ACSL6: variants seen among roughly 807,000 people sequenced by gnomAD.
The protein encoded by ACSL6 is long-chain-fatty-acid--CoA ligase 6.
Under a neutral mutation model 98.2 loss-of-function variants are expected in ACSL6, and 47 were observed. That is an observed-to-expected ratio of 0.48 (90% CI 0.38 to 0.61). The LOEUF (loss-of-function observed/expected upper bound fraction) is 0.61, where lower values mean the gene tolerates loss of function less well. Among genes scored for constraint, ACSL6 ranks in the 20% least tolerant of loss-of-function variants. The probability of loss-of-function intolerance (pLI) is 0.00; values close to 1 mark genes in which losing one functional copy is unlikely to be tolerated. For synonymous variants in ACSL6, 362 were observed against 336.9 expected (o/e 1.07, Z -0.82); for missense variants, 761 against 913.4 (o/e 0.83, Z 2.15).
rs989426459 is a variant in ACSL6, at chr5:131,952,911, G to A, written c.*1323C>T. The A allele has an allele frequency of 4.7e-6, 1 of 214,534 alleles. No homozygotes were observed. Among genetic ancestry groups the A allele is most frequent in the African/African-American group, 2.3e-5 (1 of 44,306 alleles). The allele number at this position is 214,534 out of a possible 1,614,324, so 13.3% of individuals were successfully genotyped here. ...AAAAACTATTTTCCCTGGAAATAATGTCCCCTCCTTCCCACCTTCTGCCTT... is the reference window on the plus strand; with the variant it reads ...AAAAACTATTTTCCCTGGAAATAATATCCCCTCCTTCCCACCTTCTGCCTT... On this transcript the variant is annotated 3_prime_UTR_variant, in exon 21 of 21. Coordinates refer to ENST00000651883, the MANE Select transcript of ACSL6 (RefSeq NM_001009185.3).
In ACSL6 at chr5:132,011,395, CA is replaced by C; in HGVS notation, c.49+109del. The C allele has an allele frequency of 1.7e-6, 2 of 1,193,992 alleles. No homozygotes were observed. The highest frequency in any genetic ancestry group is 3.1e-5 in the African/African-American group (2 of 65,560). The allele number at this position is 1,193,992 out of a possible 1,614,324, so 74.0% of individuals were successfully genotyped here. ...GGACCTTGACGGGACAGCTCAGCAG[CA>C]GGGGATGGGGGCTCGGCGGCCGCGG... On this transcript the variant is annotated intron_variant, in intron 1 of 20. Coordinates refer to ENST00000651883, the MANE Select transcript of ACSL6 (RefSeq NM_001009185.3). This position sits in a 1 kb window ranked among gnomAD's most constrained non-coding sequence, Gnocchi z 5.4.
chr5:131,998,350 G>A (rs1327075710), intron 1 of ACSL6, among the ~76,000 whole-genome samples: 4 of 152,124 alleles, frequency 2.6e-5, no homozygotes, highest in East Asian at 1.9e-4. Context: ...TGGAATATCC[G>A]ACATCTTTTT....
At chr5:131,988,004 C>T in intron 7 of ACSL6, 44 bp downstream of exon 7, 1 of 1,600,282 alleles carries the variant, frequency 6.2e-7, no homozygotes, top group Middle Eastern at 1.7e-4. Context: ...ACTTGGTGAC[C>T]AGCCAGCAGT....
chr5:131,991,864 A>T (rs931825811), intron 2 of ACSL6, among the ~76,000 whole-genome samples: 3 of 152,252 alleles, frequency 2.0e-5, no homozygotes, highest in African/African-American at 7.2e-5. Context: ...CCGAACTCAA[A>T]ACCACAGGCA....
At chr5:131,965,948 A>C (rs1216895975) in intron 17 of ACSL6, among the ~76,000 whole-genome samples, 1 of 152,162 alleles carries the variant, frequency 6.6e-6, no homozygotes, top group Non-Finnish European at 1.5e-5. Context: ...TCAAGGTTAC[A>C]TGAGCAACTG....
chr5:131,992,030 C>G (rs1162543535), intron 2 of ACSL6, among the ~76,000 whole-genome samples: 1 of 152,172 alleles, frequency 6.6e-6, no homozygotes, highest in African/African-American at 2.4e-5. Flanking sequence ...ATGCCAGGGA[C>G]AGAAGAGGCT....
chr5:131,986,698 T>C (rs1754207257), intron 8 of ACSL6, 124 bp downstream of exon 8: 5 of 1,236,002 alleles, frequency 4.0e-6, no homozygotes, highest in African/African-American at 1.5e-5. Context: ...GGGCATTTCC[T>C]GGCTTGCACA....
At chr5:131,974,846 A>C (rs370389229) in intron 11 of ACSL6, 47 bp downstream of exon 11, 5 of 1,613,888 alleles carry the variant, frequency 3.1e-6, no homozygotes, top group Non-Finnish European at 4.2e-6. Flanking sequence ...CTGTAAGAAA[A>C]AAGAAGGAGC....
chr5:132,000,593 C>A (rs1325896066), intron 1 of ACSL6, among the ~76,000 whole-genome samples: 1 of 152,020 alleles, frequency 6.6e-6, no homozygotes, highest in Admixed American at 6.5e-5. Flanking sequence ...AGTATGATCA[C>A]TGCGTATTTT....
intron 3 of ACSL6, 97 bp from the exon 4 acceptor site, chr5:131,990,261 G>A (rs144611974): frequency 8.1e-7 from 1 of 1,239,510 alleles, no homozygotes; most frequent in East Asian, 2.4e-5. Flanking sequence ...ATCCCATACT[G>A]TAGTGTGTCC....
In ACSL6 at chr5:131,950,550, T is replaced by C. The variant is rs1752104138; in HGVS notation, c.*3684A>G. On this transcript the variant is annotated 3_prime_UTR_variant, in exon 21 of 21. Coordinates refer to ENST00000651883, the MANE Select transcript of ACSL6 (RefSeq NM_001009185.3). The stretch of plus-strand genomic sequence containing the variant: ...AAGGAAATACAGCCAATTTATAGTT[T>C]ACCAATTTTATATACGGTTATTCAT... 1 of 200,568 alleles carries C rather than the reference T, an allele frequency of 5.0e-6. No homozygotes were observed. The highest frequency in any genetic ancestry group is 1.0e-5 in the Non-Finnish European group (1 of 97,372). The allele number at this position is 200,568 out of a possible 1,614,324, so 12.4% of individuals were successfully genotyped here.
At chr5:131,970,351 A>G in intron 14 of ACSL6, 151 bp from the exon 15 acceptor site, 1 of 639,716 alleles carries the variant, frequency 1.6e-6, no homozygotes, top group Non-Finnish European at 2.8e-6. Flanking sequence ...GAGGTAGATA[A>G]CTCCAGGTGA....
chr5:132,004,218 C>CTTT (rs1561812724), intron 1 of ACSL6, among the ~76,000 whole-genome samples: 1 of 151,110 alleles, frequency 6.6e-6, no homozygotes, highest in African/African-American at 2.4e-5. Context: ...AGGCTTCTAT[C>CTTT]CTTTTTTTTT....
At chr5:131,956,695 G>GC (rs1554110518) in intron 20 of ACSL6, among the ~76,000 whole-genome samples, 1 of 151,908 alleles carries the variant, frequency 6.6e-6, no homozygotes, top group East Asian at 1.9e-4. Context: ...CAAACCTATA[G>GC]TTTTTTTTAG....
Position 131,992,774 on chromosome 5 carries a change from C to A in ACSL6, c.270+1257G>T, listed in dbSNP as rs936326553. On this transcript the variant is annotated intron_variant, in intron 2 of 20. Coordinates refer to ENST00000651883, the MANE Select transcript of ACSL6 (RefSeq NM_001009185.3). ...GCTCCACGCTGTTCCCTCTGCTGGT[C>A]CCTGCACAGTTCACAGGGCTCTGTC... Among the ~76,000 whole-genome samples the A allele has an allele frequency of 3.3e-5, 5 of 152,324 alleles. No individual in the cohort carries two copies. In the East Asian group the frequency reaches 9.7e-4, roughly 29 times the overall value.
chr5:131,969,693 G>T (rs1455501539), intron 15 of ACSL6, among the ~76,000 whole-genome samples: 1 of 152,138 alleles, frequency 6.6e-6, no homozygotes, highest in Non-Finnish European at 1.5e-5. Flanking sequence ...GTTCATAGGG[G>T]CCAGGGTACT....
At chr5:131,982,489 T>A (rs1753958930) in intron 9 of ACSL6, 1 of 152,364 alleles carries the variant, frequency 6.6e-6, no homozygotes, top group Non-Finnish European at 1.5e-5. Flanking sequence ...GGTGACATCC[T>A]CCAGTTACAA....
At chr5:132,005,437 G>T (rs1167208125) in intron 1 of ACSL6, among the ~76,000 whole-genome samples, 1 of 152,208 alleles carries the variant, frequency 6.6e-6, no homozygotes, top group Non-Finnish European at 1.5e-5. Context: ...TGGCCTAAAG[G>T]CCTTAAGGCC....
chr5:132,001,559 G>C lies in ACSL6; in HGVS notation c.50-7308C>G, dbSNP rs140122128. The stretch of plus-strand genomic sequence containing the variant: ...CCCATGAGATAGAGGCCCAGGATAC[G>C]ATACGGGGTTGCCAGGTTACATGGT... On this transcript the variant is annotated intron_variant, in intron 1 of 20. Transcript: ENST00000651883. Among the ~76,000 whole-genome samples the C allele has an allele frequency of 4.8e-3, 726 of 152,318 alleles. 5 individuals carry two copies. Among genetic ancestry groups the C allele is most frequent in the African/African-American group, 8.8e-3 (365 of 41,568 alleles).
Sources: gnomAD v4.1 joint callset for allele counts (sites outside exome capture counted in the v4.1 genomes callset) on GRCh38, gnomAD v4.1.1 for gene constraint, Gnocchi (gnomAD v3.1) non-coding constraint, MANE v1.5 for transcripts, NCBI Gene and HGNC (gene_info 2026-07-23, HGNC 2026-07-21) for gene names.